CDH5: variants seen among roughly 807,000 people sequenced by gnomAD.
CDH5 encodes cadherin 5.
In CDH5, 28 loss-of-function variants were observed where a neutral mutation model predicts 62.0. The ratio of observed to expected loss-of-function variants is 0.45; its 90% CI spans 0.33 to 0.62. The LOEUF is 0.62. CDH5 is among the 20% of genes least tolerant of loss of function. CDH5 has a pLI of 0.02. For missense variants in CDH5, 940 were observed against 1,065.1 expected (o/e 0.88, Z 1.63); for synonymous variants, 464 against 445.8 (o/e 1.04, Z -0.52).
In CDH5 at chr16:66,403,145, C is replaced by A; in HGVS notation, c.2331C>A (p.Asp777Glu). ...TGCTGGCTGAGCTGTACGGCTCGGACCCCCGGGAGGAGCTGCTGTATTAGG... is the reference window on the plus strand; with the variant it reads ...TGCTGGCTGAGCTGTACGGCTCGGAACCCCGGGAGGAGCTGCTGTATTAGG... ...FKMLAELYGS[D>E]PREELLY The change falls in exon 12 of 12, where the codon GAC (aspartate) becomes GAA (glutamate). Residue 777 changes from aspartate to glutamate, a missense_variant. By Grantham distance (45) the Asp-to-Glu change is conservative (BLOSUM62 2). Coordinates refer to ENST00000341529, the MANE Select transcript of CDH5 (RefSeq NM_001795.5). This position sits in a 1 kb window ranked among gnomAD's most constrained non-coding sequence, Gnocchi z 4.3. 1 of 1,612,054 alleles carries A rather than the reference C, an allele frequency of 6.2e-7. No individual in the cohort carries two copies. The highest frequency in any genetic ancestry group is 8.5e-7 in the Non-Finnish European group (1 of 1,179,532).
At chr16:66,372,283 A>G (rs1323835840) in intron 1 of CDH5, among the ~76,000 whole-genome samples, 2 of 152,256 alleles carry the variant, frequency 1.3e-5, no homozygotes, top group African/African-American at 2.4e-5. Context: ...TTATTCCTGC[A>G]TGGAATTAAG....
intron 7 of CDH5, among the ~76,000 whole-genome samples, chr16:66,393,208 C>T (rs949585410): frequency 6.6e-6 from 1 of 152,112 alleles, no homozygotes; most frequent in Non-Finnish European, 1.5e-5. Context: ...GTTTTCCCAC[C>T]TTCATTATAT....
At chr16:66,396,280 T>A (rs1202212178) in intron 8 of CDH5, 79 bp downstream of exon 8, 5 of 1,576,748 alleles carry the variant, frequency 3.2e-6, no homozygotes, top group East Asian at 2.2e-5. Context: ...AATCAATAAT[T>A]TGGGGTCTCT....
chr16:66,372,004 T>A (rs1187423087), intron 1 of CDH5, among the ~76,000 whole-genome samples: 1 of 151,904 alleles, frequency 6.6e-6, no homozygotes, highest in Admixed American at 6.5e-5. Context: ...TGAGCCGATC[T>A]CACAGCCCCT....
At chr16:66,397,266 A>T (rs1024491414) in intron 8 of CDH5, among the ~76,000 whole-genome samples, 42 of 152,118 alleles carry the variant, frequency 2.8e-4, no homozygotes, top group African/African-American at 9.2e-4. Context: ...GTTGTCCAGG[A>T]TGAAGTGCAG....
At chr16:66,397,007 TAAAATACGG>T (rs1448212776) in intron 8 of CDH5, among the ~76,000 whole-genome samples, 1 of 152,232 alleles carries the variant, frequency 6.6e-6, no homozygotes, top group Non-Finnish European at 1.5e-5. Flanking sequence ...TTAAATGGTT[TAAAATACGG>T]AAAATACAGA....
intron 2 of CDH5, among the ~76,000 whole-genome samples, chr16:66,383,028 A>T (rs1960924740): frequency 6.6e-6 from 1 of 152,166 alleles, no homozygotes. Context: ...ATCATGAGAG[A>T]AACATCAGAC....
chr16:66,395,998 C>T, intron 7 of CDH5, 61 bp from the exon 8 acceptor site: 2 of 1,557,908 alleles, frequency 1.3e-6, no homozygotes, highest in South Asian at 2.3e-5. Context: ...GTCCATCATG[C>T]TGAGGAGTGT....
chr16:66,402,840 C>T lies in CDH5; in HGVS notation c.2026C>T (p.Pro676Ser). The change falls in exon 12 of 12, where the codon CCC becomes TCC. Residue 676 changes from proline (P) to serine (S), a missense_variant. Coordinates refer to ENST00000341529, the MANE Select transcript of CDH5 (RefSeq NM_001795.5). ...VRRGGAKPPR[P>S]ALDARPSLYA... ...CCGCGGCGGGGCCAAGCCCCCGCGG[C>T]CCGCGCTGGACGCCCGGCCTTCCCT... 2 of 1,600,130 alleles carry T rather than the reference C, an allele frequency of 1.2e-6. No homozygotes were observed. The highest frequency in any genetic ancestry group is 1.7e-6 in the Non-Finnish European group (2 of 1,174,198).
chr16:66,403,275 G>T lies in CDH5; in HGVS notation c.*106G>T. The stretch of plus-strand genomic sequence containing the variant: ...AAAATGGCAGTGACTCCCCAGCCCA[G>T]CACCCCTTCCTCGTGGGTCCCAGAG... On this transcript the variant is annotated 3_prime_UTR_variant, in exon 12 of 12. Transcript: ENST00000341529. This position sits in a 1 kb window ranked among gnomAD's most constrained non-coding sequence, Gnocchi z 4.3. The T allele has an allele frequency of 9.7e-7, 1 of 1,026,560 alleles. No individual in the cohort carries two copies. Among genetic ancestry groups the T allele is most frequent in the East Asian group, 2.6e-5 (1 of 38,462 alleles). 63.6% of individuals were successfully genotyped at this position (1,026,560 alleles called of 1,614,324 possible).
Position 66,388,377 on chromosome 16 carries a change from G to A in CDH5, c.553G>A (p.Asp185Asn). 6.2e-7 allele frequency: 1 copy of A among 1,614,122 alleles called. No homozygotes were observed. The highest frequency in any genetic ancestry group is 8.5e-7 in the Non-Finnish European group (1 of 1,179,934). ...GGATGCAGACGACCCCACTGTGGGA[G>A]ACCACGCCTCTGTCATGTACCAAAT... is the stretch of plus-strand genomic sequence containing the variant. ...AVDADDPTVG[D>N]HASVMYQILK... is the part of the protein sequence containing the mutation. Residue 185 changes from aspartate (D) to asparagine (N), a missense_variant, in exon 4 of 12, where the codon GAC becomes AAC. Asp to Asn is a conservative substitution (Grantham distance 23, BLOSUM62 1). Transcript: ENST00000341529.
At chr16:66,386,222 A>G (rs1960980118) in intron 2 of CDH5, among the ~76,000 whole-genome samples, 1 of 151,912 alleles carries the variant, frequency 6.6e-6, no homozygotes. Flanking sequence ...TCTGCCAGGC[A>G]ACTCACACCA....
rs1266243623 is a variant in CDH5, at chr16:66,402,988, A to G, written c.2174A>G (p.Tyr725Cys). The G allele has an allele frequency of 6.2e-7, 1 of 1,613,388 alleles. No homozygotes were observed. The highest frequency in any genetic ancestry group is 8.5e-7 in the Non-Finnish European group (1 of 1,179,852). ...EADHDGDGPPYDTLHIYGYEG... is the reference protein window; with the variant it reads ...EADHDGDGPPCDTLHIYGYEG... ...GACCACGACGGCGACGGCCCCCCCT[A>G]CGACACGCTGCACATCTACGGCTAC... Residue 725 changes from tyrosine (Y) to cysteine (C), a missense_variant, in exon 12 of 12, where the codon TAC becomes TGC. Transcript: ENST00000341529.
chr16:66,401,428 T>C (rs1164916903), intron 11 of CDH5, among the ~76,000 whole-genome samples: 3 of 152,254 alleles, frequency 2.0e-5, no homozygotes, highest in Non-Finnish European at 4.4e-5. Flanking sequence ...ATGGAAAGTT[T>C]AAAAACTTCT....
rs769871780 is a variant in CDH5, at chr16:66,388,309, A to T, written c.500-15A>T. ...GCAGTCACAAGTCAGCAACCCCAGG[A>T]TTCTCTCTCTGCAGGGACCTCAGTC... On this transcript the variant is annotated splice_polypyrimidine_tract_variant and intron_variant, in intron 3 of 11. Transcript: ENST00000341529. 1 of 1,570,016 alleles carries T rather than the reference A, an allele frequency of 6.4e-7. No homozygotes were observed. The highest frequency in any genetic ancestry group is 1.1e-5 in the South Asian group (1 of 90,192).
intron 6 of CDH5, among the ~76,000 whole-genome samples, chr16:66,391,293 A>G (rs937313177): frequency 6.6e-6 from 1 of 152,174 alleles, no homozygotes; most frequent in Admixed American, 6.5e-5. Context: ...AGACATATGC[A>G]TGAACAAAAA....
rs1194774538 is a variant in CDH5 at position 66,389,351 on chromosome 16, T to A, written c.617-7T>A. The A allele has an allele frequency of 6.2e-7, 1 of 1,603,506 alleles. No individual in the cohort carries two copies. Among genetic ancestry groups the A allele is most frequent in the African/African-American group, 1.3e-5 (1 of 74,652 alleles). On this transcript the variant is annotated splice_region_variant and splice_polypyrimidine_tract_variant and intron_variant, in intron 4 of 11. Transcript: ENST00000341529. Reference sequence around the variant, plus strand: ...TAACATGGTTCCTGCTGGGAATCTTTTTGCAGGACGTATTATCACAATAAC... The same window carrying A: ...TAACATGGTTCCTGCTGGGAATCTTATTGCAGGACGTATTATCACAATAAC...
intron 1 of CDH5, among the ~76,000 whole-genome samples, chr16:66,379,052 GAGGCAGAGGGTGAGGAGT>G (rs1235368722): frequency 6.6e-6 from 1 of 152,208 alleles, no homozygotes; most frequent in Non-Finnish European, 1.5e-5. Context: ...GTTCTACCCT[GAGGCAGAGGGTGAGGAGT>G]AGGTACAAGG....
At chr16:66,371,601 G>A (rs966310925) in intron 1 of CDH5, among the ~76,000 whole-genome samples, 1 of 152,158 alleles carries the variant, frequency 6.6e-6, no homozygotes, top group Non-Finnish European at 1.5e-5. Flanking sequence ...GGTCCATGAG[G>A]CCTGCAGATG....
Sources: allele counts gnomAD v4.1 joint callset (sites outside exome capture counted in the v4.1 genomes callset), GRCh38; gene constraint gnomAD v4.1.1; non-coding constraint Gnocchi (gnomAD v3.1); transcripts MANE v1.5; gene names NCBI Gene and HGNC (gene_info 2026-07-23, HGNC 2026-07-21).